The following MMP1 variants were observed in gnomAD, a reference collection of about 807,000 sequenced individuals.
MMP1 encodes the protein matrix metallopeptidase 1, also known as interstitial collagenase.
Under a neutral mutation model 49.6 loss-of-function variants are expected in MMP1, and 51 were observed. The observed-to-expected ratio is 1.03, with a 90% CI of 0.82 to 1.30. The LOEUF (loss-of-function observed/expected upper bound fraction) is 1.30, where lower values mean the gene tolerates loss of function less well. MMP1 is among the 50% of genes most tolerant of loss of function. MMP1 has a pLI of 0.00. For missense variants in MMP1, 623 were observed against 568.7 expected, an observed-to-expected ratio of 1.10 and a Z score of -0.97; for synonymous variants, 230 against 196.8, an observed-to-expected ratio of 1.17 and a Z score of -1.41.
rs773474756 is a variant in MMP1, at chr11:102,790,467, T to C, written c.1355A>G (p.Lys452Arg). Residue 452 changes from lysine (K) to arginine (R), a missense_variant, in exon 10 of 10, where the codon AAG becomes AGG. Transcript: ENST00000315274. ...TRQYKFDPKTKRILTLQKANS... is the reference protein window; with the variant it reads ...TRQYKFDPKTRRILTLQKANS... ...AGCTTTCTGGAGAGTCAAAATTCTCTTCGTTTTAGGATCAAATTTGTATTG... is the reference window on the plus strand; with the variant it reads ...AGCTTTCTGGAGAGTCAAAATTCTCCTCGTTTTAGGATCAAATTTGTATTG... 4 of 1,611,330 alleles carry C rather than the reference T, an allele frequency of 2.5e-6. No individual in the cohort carries two copies. The Admixed American group carries it at 6.7e-5, about 27-fold the overall frequency.
chr11:102,796,063 G>T (rs1325688126), intron 4 of MMP1, among the ~76,000 whole-genome samples: 1 of 152,178 alleles, frequency 6.6e-6, no homozygotes, highest in East Asian at 1.9e-4. Context: ...CGGTTCTCCT[G>T]CCTCAGCCTC....
chr11:102,791,943 T>A (rs886804510), intron 7 of MMP1, among the ~76,000 whole-genome samples: 19 of 152,202 alleles, frequency 1.2e-4, no homozygotes, highest in African/African-American at 4.1e-4. Flanking sequence ...TGCATTTGAC[T>A]AGAAGATAGT....
Position 102,790,376 on chromosome 11 carries a change from C to T in MMP1, c.*36G>A, listed in dbSNP as rs1349191076. Reference sequence around the variant, plus strand: ...TCTTCAGGAAAACACCTTCTTTGGACTCACACCATGTGTTTTCCATTCAAA... The same window carrying T: ...TCTTCAGGAAAACACCTTCTTTGGATTCACACCATGTGTTTTCCATTCAAA... On this transcript the variant is annotated 3_prime_UTR_variant, in exon 10 of 10. Transcript: ENST00000315274. 2.3e-6 allele frequency: 3 copies of T among 1,293,088 alleles called. No individual in the cohort carries two copies. Among genetic ancestry groups the T allele is most frequent in the Non-Finnish European group, 3.3e-6 (3 of 902,928 alleles). 80.1% of individuals were successfully genotyped at this position (1,293,088 alleles called of 1,614,324 possible). A position where few individuals can be genotyped will look rare whatever the true frequency, so the allele number is the denominator to read the frequency against.
At chr11:102,795,328 A>G in intron 5 of MMP1, 37 bp from the exon 6 acceptor site, 3 of 1,606,886 alleles carry the variant, frequency 1.9e-6, no homozygotes, top group Non-Finnish European at 2.6e-6. Context: ...AGTTTTGCCT[A>G]GTATTAGAAA....
At chr11:102,791,176 A>G (rs117217311) in intron 8 of MMP1, among the ~76,000 whole-genome samples, 157 bp downstream of exon 8, 3 of 152,352 alleles carry the variant, frequency 2.0e-5, no homozygotes, top group Non-Finnish European at 2.9e-5. Context: ...TGTGATGATT[A>G]TTGGTCAATA....
In MMP1 at chr11:102,797,029, A is replaced by T. The variant is rs766426065; in HGVS notation, c.484T>A (p.Ser162Thr). Residue 162 changes from serine to threonine, a missense_variant, in exon 3 of 10, where the codon TCT becomes ACT. Coordinates refer to ENST00000315274, the MANE Select transcript of MMP1 (RefSeq NM_002421.4). ...VSEGQADIMISFVRGDHRDNS... is the reference protein window; with the variant it reads ...VSEGQADIMITFVRGDHRDNS... Reference sequence around the variant, plus strand: ...AAGAACTTACCTCCCCTGACAAAAGATATCATGATGTCTGCTTGACCCTCA... The same window carrying T: ...AAGAACTTACCTCCCCTGACAAAAGTTATCATGATGTCTGCTTGACCCTCA... 4.3e-6 allele frequency: 7 copies of T among 1,613,684 alleles called. No individual in the cohort carries two copies. Among genetic ancestry groups the T allele is most frequent in the Non-Finnish European group, 5.1e-6 (6 of 1,179,746 alleles).
intron 7 of MMP1, among the ~76,000 whole-genome samples, chr11:102,792,369 G>A (rs534153755): frequency 8.5e-4 from 129 of 152,286 alleles, no homozygotes; most frequent in African/African-American, 3.1e-3. Flanking sequence ...TGTAAATCTA[G>A]ATTCATTAAA....
chr11:102,792,902 C>T (rs930465303), intron 6 of MMP1, among the ~76,000 whole-genome samples, 164 bp from the exon 7 acceptor site: 4 of 152,072 alleles, frequency 2.6e-5, no homozygotes, highest in African/African-American at 9.7e-5. Flanking sequence ...GCTGATTTCA[C>T]TAGCTTGAAA....
chr11:102,792,070 G>A (rs1027015690), intron 7 of MMP1, among the ~76,000 whole-genome samples: 1 of 152,110 alleles, frequency 6.6e-6, no homozygotes, highest in African/African-American at 2.4e-5. Flanking sequence ...GTACACACGT[G>A]CTATTTACCC....
chr11:102,797,175 C>G lies in MMP1; in HGVS notation c.351-13G>C. The G allele has an allele frequency of 6.2e-7, 1 of 1,613,794 alleles. No homozygotes were observed. Among genetic ancestry groups the G allele is most frequent in the Non-Finnish European group, 8.5e-7 (1 of 1,179,808 alleles). On this transcript the variant is annotated splice_polypyrimidine_tract_variant and intron_variant, in intron 2 of 9. Transcript: ENST00000315274. ...GTAATTTTCAATCCTTAGAATGAAACAAAATAGAGACACATTGGACATGAC... is the reference window on the plus strand; with the variant it reads ...GTAATTTTCAATCCTTAGAATGAAAGAAAATAGAGACACATTGGACATGAC...
Position 102,795,257 on chromosome 11 carries a change from T to C in MMP1, c.816A>G (p.Pro272=). The C allele has an allele frequency of 6.2e-7, 1 of 1,614,092 alleles. No individual in the cohort carries two copies. The highest frequency in any genetic ancestry group is 1.1e-5 in the South Asian group (1 of 91,090). The change falls in exon 6 of 10, where the codon CCA becomes CCG. Residue 272 remains proline (P), a synonymous_variant. Transcript: ENST00000315274. ...TACTGTCACACGCTTTTGGGGTTTG[T>C]GGGCCGATGGGCTGGACAGGATTTT... ...RSQNPVQPIG[P]QTPKACDSKL...
chr11:102,797,400 T>A lies in MMP1; in HGVS notation c.206A>T (p.Glu69Val). The change falls in exon 2 of 10, where the codon GAA becomes GTA. Residue 69 changes from glutamate (E) to valine (V), a missense_variant. By Grantham distance (121) the Glu-to-Val change is moderately radical. Transcript: ENST00000315274. ...PVVEKLKQMQ[E>V]FFGLKVTGKP... ...CCCAGTCACTTTCAGCCCAAAGAAT[T>A]CCTGCATTTGCTTCAATTTTTCAAC... The A allele has an allele frequency of 6.2e-7, 1 of 1,614,188 alleles. No homozygotes were observed. Among genetic ancestry groups the A allele is most frequent in the African/African-American group, 1.3e-5 (1 of 75,060 alleles).
chr11:102,791,567 G>C, intron 7 of MMP1, 72 bp from the exon 8 acceptor site: 1 of 1,551,786 alleles, frequency 6.4e-7, no homozygotes. Flanking sequence ...TTTCAGCTAA[G>C]TTCTTAGTTT....
intron 4 of MMP1, among the ~76,000 whole-genome samples, 167 bp downstream of exon 4, chr11:102,796,497 A>G (rs181297290): frequency 6.6e-6 from 1 of 152,350 alleles, no homozygotes; most frequent in African/African-American, 2.4e-5. Context: ...GTTGTTAGCT[A>G]GCAGAAAAGA....
intron 4 of MMP1, 117 bp from the exon 5 acceptor site, chr11:102,795,724 T>A (rs371127408): frequency 2.4e-6 from 2 of 844,688 alleles, no homozygotes. Context: ...TCAGTGACTT[T>A]TGAAATATAT....
At chr11:102,796,180 A>T (rs1231283277) in intron 4 of MMP1, among the ~76,000 whole-genome samples, 1 of 152,162 alleles carries the variant, frequency 6.6e-6, no homozygotes. Flanking sequence ...CAAACTCCTG[A>T]CGTTGTGATC....
intron 4 of MMP1, among the ~76,000 whole-genome samples, chr11:102,796,077 A>C (rs955886357): frequency 6.6e-6 from 1 of 152,030 alleles, no homozygotes; most frequent in Non-Finnish European, 1.5e-5. Context: ...CAGCCTCCTG[A>C]GTAGCTGAGA....
In MMP1 at chr11:102,797,493, A is replaced by G; in HGVS notation, c.113T>C (p.Leu38Pro). 1 of 1,613,706 alleles carries G rather than the reference A, an allele frequency of 6.2e-7. No homozygotes were observed. ...ATTCTTCAGGTTGTAGTATTTTTCC[A>G]GGTATTTCTGACAAAAGAAAATTAT... ...EQDVDLVQKY[L>P]EKYYNLKNDG... The change falls in exon 2 of 10, where the codon CTG (leucine) becomes CCG (proline). Residue 38 changes from leucine to proline, a missense_variant. By Grantham distance (98) the Leu-to-Pro change is moderately conservative (BLOSUM62 -3). Transcript: ENST00000315274.
Position 102,792,649 on chromosome 11 carries a change from G to A in MMP1, c.989C>T (p.Ala330Val), listed in dbSNP as rs1170209814. The change falls in exon 7 of 10, where the codon GCT becomes GTT. Residue 330 changes from alanine to valine, a missense_variant. Ala to Val is a moderately conservative substitution (Grantham distance 64). Coordinates refer to ENST00000315274, the MANE Select transcript of MMP1 (RefSeq NM_002421.4). ...ATCTCTGTCGGCAAATTCGTAAGCA[G>A]CTTCAAGCCCATTTGGCAGTTGTGG... is the stretch of plus-strand genomic sequence containing the variant. ...FWPQLPNGLEAAYEFADRDEV... is the reference protein window; with the variant it reads ...FWPQLPNGLEVAYEFADRDEV... 6.2e-7 allele frequency: 1 copy of A among 1,613,992 alleles called. No homozygotes were observed. Among genetic ancestry groups the A allele is most frequent in the Non-Finnish European group, 8.5e-7 (1 of 1,179,886 alleles).
Sources: allele counts gnomAD v4.1 joint callset (sites outside exome capture counted in the v4.1 genomes callset), GRCh38; gene constraint gnomAD v4.1.1; transcripts MANE v1.5; gene names NCBI Gene and HGNC (gene_info 2026-07-23, HGNC 2026-07-21).